The following AHI1 variants were observed in gnomAD, a reference collection of about 807,000 sequenced individuals.
AHI1 encodes the protein Abelson helper integration site 1.
Under a neutral mutation model 149.3 loss-of-function variants are expected in AHI1, and 123 were observed. That is an observed-to-expected ratio of 0.82 (90% CI 0.71 to 0.96). AHI1 has a LOEUF of 0.96. Ranked by LOEUF, AHI1 falls within the 40% of genes least tolerant of loss-of-function variation. AHI1 has a pLI of 0.00. For synonymous variants in AHI1, 475 were observed against 459.8 expected (o/e 1.03, Z -0.42); for missense variants, 1,439 against 1,422.7 (o/e 1.01, Z -0.18).
At chr6:135,432,950 T>C in intron 16 of AHI1, 77 bp downstream of exon 16, 1 of 1,117,852 alleles carries the variant, frequency 8.9e-7, no homozygotes, top group Admixed American at 1.8e-5. Context: ...CATAACCCTC[T>C]CAAGCCTAAA....
At position 135,497,181 on chromosome 6, in the gene AHI1, TGA is replaced by T. The variant is rs1796088337; in HGVS notation, c.-140+5_-140+6del. On this transcript the variant is annotated splice_donor_5th_base_variant and intron_variant, in intron 2 of 28. Transcript: ENST00000265602. The stretch of plus-strand genomic sequence containing the variant: ...TTTGGCTCTTATAAATATAACAAAT[TGA>T]TCACCTTTTCTCAGACATAATTAAG... 6.6e-6 allele frequency: 1 copy of T among 152,246 alleles called. No homozygotes were observed. The highest frequency in any genetic ancestry group is 1.5e-5 in the Non-Finnish European group (1 of 68,044). The allele number at this position is 152,246 out of a possible 1,614,324, so 9.4% of individuals were successfully genotyped here. A position where few individuals can be genotyped will look rare whatever the true frequency, so the allele number is the denominator to read the frequency against.
At chr6:135,359,136 CACAA>C (rs553685811) in intron 23 of AHI1, among the ~76,000 whole-genome samples, 19 of 152,186 alleles carry the variant, frequency 1.2e-4, no homozygotes, top group African/African-American at 2.9e-4. Context: ...GTGAGATCAA[CACAA>C]ACAATCACTT....
At chr6:135,341,112 A>G (rs1790304495) in intron 24 of AHI1, among the ~76,000 whole-genome samples, 1 of 152,136 alleles carries the variant, frequency 6.6e-6, no homozygotes, top group South Asian at 2.1e-4. Flanking sequence ...ATCCTATCTT[A>G]TCAGTAATTT....
intron 24 of AHI1, among the ~76,000 whole-genome samples, chr6:135,332,172 C>T (rs1311064840): frequency 6.6e-6 from 1 of 151,338 alleles, no homozygotes; most frequent in Non-Finnish European, 1.5e-5. Flanking sequence ...CGGGTTCAAG[C>T]GATTTTCCTG....
chr6:135,396,339 C>A (rs1453633977), intron 22 of AHI1, among the ~76,000 whole-genome samples: 1 of 151,696 alleles, frequency 6.6e-6, no homozygotes, highest in Non-Finnish European at 1.5e-5. Flanking sequence ...GCTTCACTTT[C>A]CATCTTTAAA....
intron 16 of AHI1, among the ~76,000 whole-genome samples, chr6:135,432,356 A>G (rs1784785690): frequency 6.6e-6 from 1 of 151,922 alleles, no homozygotes; most frequent in Admixed American, 6.6e-5. Context: ...AACATACTAC[A>G]TTATTCTTTT....
chr6:135,433,236 T>A lies in AHI1; in HGVS notation c.2057A>T (p.Asn686Ile). 2.5e-6 allele frequency: 4 copies of A among 1,604,832 alleles called. No individual in the cohort carries two copies. Among genetic ancestry groups the A allele is most frequent in the Non-Finnish European group, 3.4e-6 (4 of 1,172,208 alleles). ...TAAAACTCTGAAAGTATTTGTATTG[T>A]TTATTTCATTTTTCCATATCCTGGA... ...GTARIWKNEI[N>I]NTNTFRVLPH... The change falls in exon 16 of 29, where the codon AAC becomes ATC. Residue 686 changes from asparagine (N) to isoleucine (I), a missense_variant. Coordinates refer to ENST00000265602, the MANE Select transcript of AHI1 (RefSeq NM_001134831.2).
rs889415894 is a variant in AHI1 at position 135,313,911 on chromosome 6, G to A, written c.3426+4608C>T. On this transcript the variant is annotated intron_variant, in intron 26 of 28. Transcript: ENST00000265602. The stretch of plus-strand genomic sequence containing the variant: ...GGTCACCTCAGTTTCAAAGGTTACC[G>A]TGTTGCAGAGTCAGGGACATGAGAA... Among the ~76,000 whole-genome samples, 5 of 152,254 alleles carry A rather than the reference G, an allele frequency of 3.3e-5. No individual in the cohort carries two copies. The East Asian group carries it at 7.7e-4, about 23-fold the overall frequency.
At chr6:135,383,148 T>A (rs1315178891) in intron 23 of AHI1, among the ~76,000 whole-genome samples, 1 of 146,708 alleles carries the variant, frequency 6.8e-6, no homozygotes, top group African/African-American at 2.5e-5. Flanking sequence ...TTTGTATATA[T>A]AAATATATAC....
At chr6:135,314,151 C>T (rs1785602495) in intron 26 of AHI1, among the ~76,000 whole-genome samples, 1 of 152,114 alleles carries the variant, frequency 6.6e-6, no homozygotes, top group Non-Finnish European at 1.5e-5. Flanking sequence ...CTGTGTAACC[C>T]CCAAATTCAT....
chr6:135,497,064 G>A (rs1796065727), intron 2 of AHI1, 124 bp downstream of exon 2: 1 of 152,196 alleles, frequency 6.6e-6, no homozygotes, highest in Non-Finnish European at 1.5e-5. Flanking sequence ...TTACAGGAAT[G>A]CTAAACGCAG....
At chr6:135,368,435 G>C (rs1052248363) in intron 23 of AHI1, among the ~76,000 whole-genome samples, 9 of 152,212 alleles carry the variant, frequency 5.9e-5, no homozygotes, top group Admixed American at 5.9e-4. Flanking sequence ...TGGTGGGCAG[G>C]GCCACAGAGC....
chr6:135,355,028 G>T (rs1428056536), intron 24 of AHI1, among the ~76,000 whole-genome samples: 1 of 152,170 alleles, frequency 6.6e-6, no homozygotes, highest in African/African-American at 2.4e-5. Context: ...CTTCCACAAT[G>T]TTTTGAGGAG....
chr6:135,337,551 G>A lies in AHI1; in HGVS notation c.3166-14227C>T, dbSNP rs928683569. On this transcript the variant is annotated intron_variant, in intron 24 of 28. Transcript: ENST00000265602. Reference sequence around the variant, plus strand: ...AGGAGGGAGGATCACCTGAGCCCAGGAGTTTGAGACCAACCTGGGCAACAA... The same window carrying A: ...AGGAGGGAGGATCACCTGAGCCCAGAAGTTTGAGACCAACCTGGGCAACAA... Among the ~76,000 whole-genome samples the A allele has an allele frequency of 2.6e-5, 4 of 151,982 alleles. No individual in the cohort carries two copies. The East Asian group carries it at 5.8e-4, about 22-fold the overall frequency.
intron 23 of AHI1, among the ~76,000 whole-genome samples, chr6:135,373,224 C>T (rs2128458408): frequency 6.6e-6 from 1 of 152,276 alleles, no homozygotes; most frequent in Admixed American, 6.5e-5. Context: ...GATTATAATA[C>T]TGCATTTTGC....
intron 27 of AHI1, among the ~76,000 whole-genome samples, chr6:135,293,835 C>G (rs1472168541): frequency 1.3e-5 from 2 of 152,128 alleles, no homozygotes. Flanking sequence ...AATGCAATAT[C>G]AATTGGAATA....
At chr6:135,441,220 A>G (rs1786243067) in intron 14 of AHI1, among the ~76,000 whole-genome samples, 1 of 152,170 alleles carries the variant, frequency 6.6e-6, no homozygotes. Flanking sequence ...AGGGGCTCAA[A>G]AGCAGATCTA....
chr6:135,324,567 T>C (rs1787361572), intron 24 of AHI1, among the ~76,000 whole-genome samples: 1 of 149,046 alleles, frequency 6.7e-6, no homozygotes, highest in African/African-American at 2.5e-5. Context: ...TATATATATA[T>C]ATATATTTAT....
intron 13 of AHI1, among the ~76,000 whole-genome samples, chr6:135,444,613 A>G (rs573791375): frequency 6.6e-6 from 1 of 152,332 alleles, no homozygotes; most frequent in South Asian, 2.1e-4. Context: ...CAGTCTTCAT[A>G]TCTGCAATTC....
Sources: gnomAD v4.1 joint callset for allele counts (sites outside exome capture counted in the v4.1 genomes callset) on GRCh38, gnomAD v4.1.1 for gene constraint, MANE v1.5 for transcripts, NCBI Gene and HGNC (gene_info 2026-07-23, HGNC 2026-07-21) for gene names.